CDH12: variants seen among roughly 807,000 people sequenced by gnomAD.
CDH12 encodes the protein cadherin 12.
CDH12 carries 41 observed loss-of-function variants against 74.1 expected under a neutral mutation model. The observed-to-expected ratio is 0.55, with a 90% CI of 0.43 to 0.72. The LOEUF is 0.72. CDH12 is among the 30% of genes least tolerant of loss of function. The pLI, the probability that CDH12 is intolerant of heterozygous loss-of-function variation, is 0.00. For missense variants in CDH12, 945 were observed against 977.2 expected (o/e 0.97, Z 0.44); for synonymous variants, 399 against 355.0 (o/e 1.12, Z -1.39).
chr5:21,817,261 G>T lies in CDH12; in HGVS notation c.815-129C>A, dbSNP rs1748112179. Reference sequence around the variant, plus strand: ...GAACATTATAGTGCAAATTGAAAAGGCAATTTGCTGTCAAGTTAAGGATTA... The same window carrying T: ...GAACATTATAGTGCAAATTGAAAAGTCAATTTGCTGTCAAGTTAAGGATTA... On this transcript the variant is annotated intron_variant, in intron 8 of 14. Transcript: ENST00000382254. 9.2e-6 allele frequency: 5 copies of T among 544,990 alleles called. No homozygotes were observed. The Admixed American group carries it at 1.1e-4, about 12-fold the overall frequency. The allele number at this position is 544,990 out of a possible 1,614,324, so 33.8% of individuals were successfully genotyped here.
Position 21,880,612 on chromosome 5 carries a change from C to CTCTCTTTCTTTCTTTCT in CDH12, c.527-25823_527-25822insAGAAAGAAAGAAAGAGA, listed in dbSNP as rs1561268318. On this transcript the variant is annotated intron_variant, in intron 6 of 14. Transcript: ENST00000382254. ...CCTTCCTTCCTTCCTTCCTTCCTTC[C>CTCTCTTTCTTTCTTTCT]TTCCTTCTTTCTTTCTTTCTTTCTT... Among the ~76,000 whole-genome samples, 34 of 69,922 alleles carry CTCTCTTTCTTTCTTTCT rather than the reference C, an allele frequency of 4.9e-4. 1 individual carries two copies. Among genetic ancestry groups the CTCTCTTTCTTTCTTTCT allele is most frequent in the African/African-American group, 2.2e-3 (33 of 15,246 alleles). 45.9% of individuals were successfully genotyped at this position (69,922 alleles called of 152,430 possible).
chr5:22,801,767 G>T (rs1748541805), intron 1 of CDH12, among the ~76,000 whole-genome samples: 1 of 148,072 alleles, frequency 6.8e-6, no homozygotes, highest in Non-Finnish European at 1.5e-5. Context: ...AACACTAATG[G>T]CAACTTTGTT....
At chr5:22,339,060 C>T (rs1042834530) in intron 3 of CDH12, among the ~76,000 whole-genome samples, 3 of 152,212 alleles carry the variant, frequency 2.0e-5, no homozygotes, top group African/African-American at 7.2e-5. Context: ...TCATTGCAAC[C>T]TTATGACTCC....
At chr5:21,980,408 T>C (rs1260093159) in intron 5 of CDH12, among the ~76,000 whole-genome samples, 2 of 152,112 alleles carry the variant, frequency 1.3e-5, no homozygotes, top group Non-Finnish European at 2.9e-5. Flanking sequence ...AAAAAAGTTA[T>C]TACAAAACAT....
intron 1 of CDH12, among the ~76,000 whole-genome samples, chr5:22,748,591 A>G (rs1745406756): frequency 6.6e-6 from 1 of 152,176 alleles, no homozygotes; most frequent in Non-Finnish European, 1.5e-5. Flanking sequence ...TTTATAATTC[A>G]AAGGAAGAAA....
At chr5:21,989,857 A>T (rs573890315) in intron 5 of CDH12, among the ~76,000 whole-genome samples, 1 of 152,318 alleles carries the variant, frequency 6.6e-6, no homozygotes, top group South Asian at 2.1e-4. Context: ...TGTTTTAGAT[A>T]CTACTAATTC....
chr5:22,631,883 A>G (rs1266990662), intron 1 of CDH12, among the ~76,000 whole-genome samples: 1 of 152,114 alleles, frequency 6.6e-6, no homozygotes, highest in Non-Finnish European at 1.5e-5. Context: ...CTATCACAAG[A>G]CAGCACCAAG....
rs530443146 is a variant in CDH12, at chr5:22,666,533, G to A, written c.-522-161169C>T. ...TCTCGATCTCCTGACCTCGTGATCC[G>A]CCCACCTCGGCCTCCCAAAGTGCTG... is the stretch of plus-strand genomic sequence containing the variant. On this transcript the variant is annotated intron_variant, in intron 1 of 14. Coordinates refer to ENST00000382254, the MANE Select transcript of CDH12 (RefSeq NM_004061.5). Among the ~76,000 whole-genome samples, 5 of 151,802 alleles carry A rather than the reference G, an allele frequency of 3.3e-5. No individual in the cohort carries two copies. The East Asian group carries it at 5.9e-4, about 18-fold the overall frequency.
chr5:22,631,421 G>A (rs568691999), intron 1 of CDH12, among the ~76,000 whole-genome samples: 1 of 151,754 alleles, frequency 6.6e-6, no homozygotes, highest in South Asian at 2.1e-4. Context: ...TAAATAAAAA[G>A]TGGTTTATAT....
chr5:22,077,563 AC>A (rs1742415370), intron 5 of CDH12, among the ~76,000 whole-genome samples: 1 of 152,126 alleles, frequency 6.6e-6, no homozygotes, highest in Non-Finnish European at 1.5e-5. Flanking sequence ...CTTTATCAAA[AC>A]CCATGGCAAT....
intron 3 of CDH12, among the ~76,000 whole-genome samples, chr5:22,270,961 C>T (rs1736373306): frequency 6.6e-6 from 1 of 152,124 alleles, no homozygotes; most frequent in South Asian, 2.1e-4. Flanking sequence ...ATGTGAGCCA[C>T]CACGCCCGGC....
Position 21,914,565 on chromosome 5 carries a change from T to C in CDH12, c.527-59775A>G, listed in dbSNP as rs548557262. 3.9e-5 allele frequency among the ~76,000 whole-genome samples: 6 copies of C among 152,300 alleles called. No individual in the cohort carries two copies. The South Asian group carries it at 1.0e-3, about 26-fold the overall frequency. On this transcript the variant is annotated intron_variant, in intron 6 of 14. Transcript: ENST00000382254. ...TTTATTGAATTGGCTCATGTGATTA[T>C]GACACTGGCAAGTCTGAAATCTATA...
intron 1 of CDH12, among the ~76,000 whole-genome samples, chr5:22,576,225 T>C (rs1482342121): frequency 2.0e-5 from 3 of 152,172 alleles, no homozygotes; most frequent in East Asian, 1.9e-4. Flanking sequence ...ATGATGGCCA[T>C]GCGCAGTCCT....
chr5:22,262,991 GA>G (rs2150395108), intron 3 of CDH12, among the ~76,000 whole-genome samples: 1 of 151,144 alleles, frequency 6.6e-6, no homozygotes, highest in Admixed American at 6.6e-5. Flanking sequence ...AAATTTACAA[GA>G]AAAAAACAAA....
In CDH12 at chr5:21,818,536, C is replaced by T. The variant is rs112029278; in HGVS notation, c.815-1404G>A. Among the ~76,000 whole-genome samples the T allele has an allele frequency of 3.0e-3, 455 of 151,930 alleles. 1 individual carries two copies. Among genetic ancestry groups the T allele is most frequent in the African/African-American group, 0.011 (443 of 41,502 alleles). ...TAAATCTCCCTTCTTCCCTCCTTCC[C>T]CCAGAAAATGGTATCTACCATTTAT... On this transcript the variant is annotated intron_variant, in intron 8 of 14. Transcript: ENST00000382254.
At chr5:21,956,155 TA>T (rs1397920385) in intron 6 of CDH12, among the ~76,000 whole-genome samples, 1 of 152,046 alleles carries the variant, frequency 6.6e-6, no homozygotes, top group Non-Finnish European at 1.5e-5. Context: ...TGTGATTACT[TA>T]AATTAAATAT....
intron 4 of CDH12, among the ~76,000 whole-genome samples, chr5:22,150,973 T>C (rs767497529): frequency 7.9e-5 from 12 of 152,338 alleles, no homozygotes; most frequent in Admixed American, 2.6e-4. Context: ...AGAGTAGTCT[T>C]GGCCTTAGCT....
intron 3 of CDH12, among the ~76,000 whole-genome samples, chr5:22,360,713 G>C (rs1486011672): frequency 6.6e-6 from 1 of 152,072 alleles, no homozygotes; most frequent in Non-Finnish European, 1.5e-5. Flanking sequence ...CCAGCAGCAT[G>C]TCAAAAAGCT....
At chr5:22,645,977 T>A (rs1024668568) in intron 1 of CDH12, among the ~76,000 whole-genome samples, 1 of 151,946 alleles carries the variant, frequency 6.6e-6, no homozygotes, top group Non-Finnish European at 1.5e-5. Flanking sequence ...TTTTTTGTGC[T>A]CACCTTATTG....
Sources: allele counts gnomAD v4.1 joint callset (sites outside exome capture counted in the v4.1 genomes callset), GRCh38; gene constraint gnomAD v4.1.1; transcripts MANE v1.5; gene names NCBI Gene and HGNC (gene_info 2026-07-23, HGNC 2026-07-21).